The following CACNA2D3 variants were observed in gnomAD, a reference collection of about 807,000 sequenced individuals.
CACNA2D3 encodes calcium voltage-gated channel auxiliary subunit alpha2delta 3.
A neutral mutation model predicts 160.6 loss-of-function variants in CACNA2D3; 60 were observed. The ratio of observed to expected loss-of-function variants is 0.37; its 90% CI spans 0.30 to 0.46. The LOEUF is 0.46. Ranked by LOEUF, CACNA2D3 falls within the 20% of genes least tolerant of loss-of-function variation. The probability of loss-of-function intolerance (pLI) is 1.00; values close to 1 mark genes in which losing one functional copy is unlikely to be tolerated. For synonymous variants in CACNA2D3, 558 were observed against 492.9 expected (o/e 1.13, Z -1.75); for missense variants, 1,205 against 1,365.0 (o/e 0.88, Z 1.85).
At position 54,967,522 on chromosome 3, in the gene CACNA2D3, T is replaced by C. The variant is rs552084762; in HGVS notation, c.2450-928T>C. 7.9e-5 allele frequency among the ~76,000 whole-genome samples: 12 copies of C among 152,116 alleles called. 1 individual carries two copies. The South Asian group carries it at 2.5e-3, about 32-fold the overall frequency. On this transcript the variant is annotated intron_variant, in intron 27 of 37. Coordinates refer to ENST00000474759, the MANE Select transcript of CACNA2D3 (RefSeq NM_018398.3). ...TGGTGGTATGCAAATATGGTAAAAA[T>C]GGGGAGGTTGTGTGCAACAGACTAC...
intron 3 of CACNA2D3, among the ~76,000 whole-genome samples, chr3:54,323,288 T>C (rs1301264540): frequency 3.9e-5 from 6 of 152,146 alleles, no homozygotes; most frequent in Non-Finnish European, 8.8e-5. Context: ...TGTGAACATT[T>C]GAAGAGCAAA....
At chr3:54,896,295 ACTT>A (rs981226513) in intron 25 of CACNA2D3, among the ~76,000 whole-genome samples, 4 of 152,178 alleles carry the variant, frequency 2.6e-5, no homozygotes, top group African/African-American at 7.2e-5. Context: ...CTTCCTTTGC[ACTT>A]CTTCTGAGAA....
chr3:54,837,434 C>G (rs1213369444), intron 15 of CACNA2D3, among the ~76,000 whole-genome samples: 11 of 152,074 alleles, frequency 7.2e-5, no homozygotes, highest in Admixed American at 7.2e-4. Flanking sequence ...TTGGCAACAC[C>G]TTTCCAAAGT....
chr3:54,707,821 G>GC (rs1430924314), intron 11 of CACNA2D3, among the ~76,000 whole-genome samples: 2 of 152,216 alleles, frequency 1.3e-5, no homozygotes, highest in Non-Finnish European at 2.9e-5. Flanking sequence ...TTTCACTTCA[G>GC]CAGAGGAGTG....
intron 35 of CACNA2D3, among the ~76,000 whole-genome samples, chr3:55,021,613 ATATG>A (rs1261551271): frequency 7.4e-6 from 1 of 134,984 alleles, no homozygotes. Context: ...ATATATATAT[ATATG>A]TGTGTGTGTA....
intron 8 of CACNA2D3, among the ~76,000 whole-genome samples, chr3:54,579,524 G>C (rs1331955547): frequency 1.3e-5 from 2 of 152,196 alleles, no homozygotes; most frequent in Non-Finnish European, 1.5e-5. Flanking sequence ...TTATGTCATG[G>C]TCATTTGACT....
chr3:54,606,728 G>A (rs372740019), intron 9 of CACNA2D3, among the ~76,000 whole-genome samples: 18 of 152,214 alleles, frequency 1.2e-4, no homozygotes, highest in African/African-American at 3.6e-4. Context: ...AGCCCTGTGC[G>A]CACACACTGG....
chr3:54,969,414 C>T (rs1702223555), intron 28 of CACNA2D3, among the ~76,000 whole-genome samples: 1 of 151,970 alleles, frequency 6.6e-6, no homozygotes, highest in Non-Finnish European at 1.5e-5. Context: ...TGCCTGCCAC[C>T]ACACTAGGGT....
intron 16 of CACNA2D3, among the ~76,000 whole-genome samples, chr3:54,842,482 AG>A (rs1429544515): frequency 6.6e-6 from 1 of 152,222 alleles, no homozygotes; most frequent in African/African-American, 2.4e-5. Flanking sequence ...GGACTGTAGA[AG>A]TCAAAGGTAA....
At chr3:54,455,927 G>A (rs1244088793) in intron 4 of CACNA2D3, among the ~76,000 whole-genome samples, 1 of 151,976 alleles carries the variant, frequency 6.6e-6, no homozygotes, top group Non-Finnish European at 1.5e-5. Context: ...CTGTTCCATT[G>A]GTCTATGTGT....
intron 2 of CACNA2D3, among the ~76,000 whole-genome samples, chr3:54,139,778 C>A (rs1318342960): frequency 1.3e-5 from 2 of 152,182 alleles, no homozygotes; most frequent in Admixed American, 6.5e-5. Flanking sequence ...AGCATTCATT[C>A]AACAAGTGTG....
chr3:54,404,308 A>G (rs1326019289), intron 4 of CACNA2D3, among the ~76,000 whole-genome samples: 6 of 152,162 alleles, frequency 3.9e-5, no homozygotes, highest in Admixed American at 3.9e-4. Flanking sequence ...TGATCGAGAG[A>G]GATGTATCCC....
At chr3:54,717,926 G>A (rs2106979835) in intron 11 of CACNA2D3, among the ~76,000 whole-genome samples, 1 of 152,142 alleles carries the variant, frequency 6.6e-6, no homozygotes, top group South Asian at 2.1e-4. Flanking sequence ...TAGTATCTAA[G>A]TATCTTAATT....
intron 9 of CACNA2D3, among the ~76,000 whole-genome samples, chr3:54,619,045 C>T (rs952648104): frequency 1.2e-4 from 19 of 152,208 alleles, no homozygotes; most frequent in African/African-American, 3.9e-4. Flanking sequence ...TTCAGAAAGA[C>T]GTGAAGGGTG....
intron 2 of CACNA2D3, among the ~76,000 whole-genome samples, chr3:54,307,069 C>T (rs1434048504): frequency 1.3e-5 from 2 of 152,116 alleles, no homozygotes; most frequent in Non-Finnish European, 2.9e-5. Flanking sequence ...CAGACTGGCT[C>T]ATTTCTCTCA....
rs570235407 is a variant in CACNA2D3, at chr3:54,802,803, AC to A, written c.1381-14043del. Reference sequence around the variant, plus strand: ...CCCCCAAGCAGCCTAACTGGGAGGCACCCCCCCAGTAGGGGCAGACTGACAT... The same window carrying A: ...CCCCCAAGCAGCCTAACTGGGAGGCACCCCCCAGTAGGGGCAGACTGACAT... On this transcript the variant is annotated intron_variant, in intron 13 of 37. Transcript: ENST00000474759. 8.5e-3 allele frequency among the ~76,000 whole-genome samples: 1,284 copies of A among 151,746 alleles called. 12 individuals carry two copies. The highest frequency in any genetic ancestry group is 0.015 in the Admixed American group (234 of 15,184).
intron 27 of CACNA2D3, among the ~76,000 whole-genome samples, chr3:54,948,206 T>C (rs918018120): frequency 6.6e-5 from 10 of 152,184 alleles, no homozygotes; most frequent in Admixed American, 6.5e-4. Context: ...GAGAGTGAGA[T>C]AGGAAACTTT....
chr3:54,907,085 C>T lies in CACNA2D3; in HGVS notation c.2449+7217C>T, dbSNP rs561430501. On this transcript the variant is annotated intron_variant, in intron 27 of 37. Transcript: ENST00000474759. ...TTTCTAAACTCCTCAAAAGCCCCAA[C>T]GCGCCCTCCACTCAAAAATGAGCAG... is the stretch of plus-strand genomic sequence containing the variant. 1.2e-3 allele frequency among the ~76,000 whole-genome samples: 187 copies of T among 152,292 alleles called. 1 individual carries two copies. The highest frequency in any genetic ancestry group is 6.8e-3 in the Middle Eastern group (2 of 294).
intron 9 of CACNA2D3, among the ~76,000 whole-genome samples, chr3:54,595,336 GTGTGTGTGTGTGTGTGTGTA>G: frequency 6.6e-6 from 1 of 151,866 alleles, no homozygotes; most frequent in Non-Finnish European, 1.5e-5. Flanking sequence ...GTGTGTGTGT[GTGTGTGTGTGTGTGTGTGTA>G]TGGTTGTGGA....
Sources: allele counts gnomAD v4.1 joint callset (sites outside exome capture counted in the v4.1 genomes callset), GRCh38; gene constraint gnomAD v4.1.1; transcripts MANE v1.5; gene names NCBI Gene and HGNC (gene_info 2026-07-23, HGNC 2026-07-21).